Variants in AMMECR1 observed in about 807,000 individuals in gnomAD.
AMMECR1 encodes nuclear protein AMMECR1.
A neutral mutation model predicts 22.5 loss-of-function variants in AMMECR1; 3 were observed. The ratio of observed to expected loss-of-function variants is 0.13; its 90% CI spans 0.06 to 0.35. The LOEUF (loss-of-function observed/expected upper bound fraction) is 0.35, where lower values mean the gene tolerates loss of function less well. Ranked by LOEUF, AMMECR1 falls within the 10% of genes least tolerant of loss-of-function variation. The probability of loss-of-function intolerance (pLI) is 1.00; values close to 1 mark genes in which losing one functional copy is unlikely to be tolerated. For synonymous variants in AMMECR1, 130 were observed against 116.7 expected (o/e 1.11, Z -0.74); for missense variants, 235 against 278.7 (o/e 0.84, Z 1.12).
At chrX:110,401,605 G>A (rs1461426963) in intron 2 of AMMECR1, among the ~76,000 whole-genome samples, 7 of 111,428 alleles carry the variant, frequency 6.3e-5, no homozygotes, top group Non-Finnish European at 1.3e-4. Context: ...GTTGTCTGGG[G>A]GCCTCTATCA....
chrX:110,373,201 G>T (rs1265839688), intron 2 of AMMECR1, among the ~76,000 whole-genome samples: 1 of 111,688 alleles, frequency 9.0e-6, no homozygotes, highest in African/African-American at 3.3e-5. Context: ...CTGACTCCAG[G>T]ACCATGCCTG....
At chrX:110,202,625 T>A in intron 3 of AMMECR1, 89 bp from the exon 4 acceptor site, 1 of 593,737 alleles carries the variant, frequency 1.7e-6, no homozygotes, top group Non-Finnish European at 2.7e-6. Context: ...AGAATGCAGT[T>A]CTTCCTTTCC....
chrX:110,385,636 G>A (rs1033175093), intron 2 of AMMECR1, among the ~76,000 whole-genome samples: 1 of 111,643 alleles, frequency 9.0e-6, no homozygotes, highest in Non-Finnish European at 1.9e-5. Context: ...TCTGTGACTA[G>A]CTTCTCTCCC....
At chrX:110,332,370 T>G (rs1005864785) in intron 2 of AMMECR1, among the ~76,000 whole-genome samples, 3 of 111,656 alleles carry the variant, frequency 2.7e-5, no homozygotes, top group Non-Finnish European at 5.6e-5. Context: ...TTTTTCTTCT[T>G]AAATATGCCA....
Position 110,198,406 on chromosome X carries a change from G to A in AMMECR1, c.*114C>T, listed in dbSNP as rs1439142732. On this transcript the variant is annotated 3_prime_UTR_variant, in exon 6 of 6. Coordinates refer to ENST00000262844, the MANE Select transcript of AMMECR1 (RefSeq NM_015365.3). ...GATGTCGAAGCTTCACCATGGCAAC[G>A]GAAACTATCATCATAAAATGGTACA... 1 of 381,705 alleles carries A rather than the reference G, an allele frequency of 2.6e-6. No homozygotes were observed. The allele number at this position is 381,705 out of a possible 1,213,427, so 31.5% of individuals were successfully genotyped here. A position where few individuals can be genotyped will look rare whatever the true frequency, so the allele number is the denominator to read the frequency against.
At chrX:110,292,653 GA>G (rs1211475182) in intron 1 of AMMECR1, among the ~76,000 whole-genome samples, 1 of 112,368 alleles carries the variant, frequency 8.9e-6, no homozygotes, top group East Asian at 2.8e-4. Context: ...GTGACACTCT[GA>G]AAAAGGCAAA....
At chrX:110,237,273 A>G (rs1013420884) in intron 2 of AMMECR1, among the ~76,000 whole-genome samples, 2 of 110,908 alleles carry the variant, frequency 1.8e-5, no homozygotes, top group Non-Finnish European at 3.8e-5. Flanking sequence ...AAAATCAGAT[A>G]TTAGTACACA....
chrX:110,362,249 C>T (rs990547749), intron 2 of AMMECR1, among the ~76,000 whole-genome samples: 2 of 111,458 alleles, frequency 1.8e-5, no homozygotes, highest in African/African-American at 3.3e-5. Flanking sequence ...TCCCCTCATC[C>T]CTACACTAAA....
intron 2 of AMMECR1, among the ~76,000 whole-genome samples, chrX:110,227,550 T>C (rs952960907): frequency 8.9e-6 from 1 of 112,493 alleles, no homozygotes; most frequent in Non-Finnish European, 1.9e-5. Flanking sequence ...TTATTTTCCT[T>C]TCTCTTCTTC....
intron 2 of AMMECR1, among the ~76,000 whole-genome samples, chrX:110,260,579 CTT>C (rs2067735350): frequency 9.0e-6 from 1 of 110,534 alleles, no homozygotes; most frequent in South Asian, 3.8e-4. Flanking sequence ...TAAATAAAAA[CTT>C]AATTCAGGAT....
intron 1 of AMMECR1, among the ~76,000 whole-genome samples, chrX:110,313,103 T>C (rs960791513): frequency 1.8e-5 from 2 of 111,867 alleles, no homozygotes; most frequent in East Asian, 2.8e-4. Context: ...CACAGTTCTG[T>C]TGAAACAAAA....
Position 110,195,193 on chromosome X carries a change from G to GTGTGCTGGGCACTGGGACTGTA in AMMECR1, c.*3305_*3326dup, listed in dbSNP as rs1463257037. 1 of 111,877 alleles carries GTGTGCTGGGCACTGGGACTGTA rather than the reference G, an allele frequency of 8.9e-6. No individual in the cohort carries two copies. Among genetic ancestry groups the GTGTGCTGGGCACTGGGACTGTA allele is most frequent in the Non-Finnish European group, 1.9e-5 (1 of 53,153 alleles). The allele number at this position is 111,877 out of a possible 1,213,427, so 9.2% of individuals were successfully genotyped here. On this transcript the variant is annotated 3_prime_UTR_variant, in exon 6 of 6. Transcript: ENST00000262844. ...TAAGAGGCCAGTATACAAACTTCCG[G>GTGTGCTGGGCACTGGGACTGTA]TGTGCTGGGCACTGGGACTGTATGT... is the stretch of plus-strand genomic sequence containing the variant.
At position 110,317,832 on chromosome X, in the gene AMMECR1, G is replaced by T; in HGVS notation, c.240C>A (p.Gly80=). 9.2e-7 allele frequency: 1 copy of T among 1,082,764 alleles called. No individual in the cohort carries two copies. Among genetic ancestry groups the T allele is most frequent in the Non-Finnish European group, 1.2e-6 (1 of 824,566 alleles). 89.2% of individuals were successfully genotyped at this position (1,082,764 alleles called of 1,213,427 possible). A position where few individuals can be genotyped will look rare whatever the true frequency, so the allele number is the denominator to read the frequency against. ...GAGGTGGCGACAGGGCGATCCCCCCGCCGCCGCCGCCGCAGCCCTGGGGGG... is the reference window on the plus strand; with the variant it reads ...GAGGTGGCGACAGGGCGATCCCCCCTCCGCCGCCGCCGCAGCCCTGGGGGG... The part of the protein sequence containing the change: ...LSPPQGCGGG[G]GGIALSPPPS... Residue 80 remains glycine (G), a synonymous_variant, in exon 1 of 6, where the codon GGC becomes GGA. Transcript: ENST00000262844.
In AMMECR1 at chrX:110,384,805, C is replaced by T. The variant is rs889321926; in HGVS notation, c.-148+41853G>A. The stretch of plus-strand genomic sequence containing the variant: ...GACATAGTATCTTTCATATTAGGTG[C>T]GAGGTGCATACCCTTCCTGAAATGG... On this transcript the variant is annotated intron_variant, in intron 2 of 7. Coordinates refer to the AMMECR1 transcript ENST00000372057. 2.7e-5 allele frequency among the ~76,000 whole-genome samples: 3 copies of T among 110,736 alleles called. No homozygotes were observed. The East Asian group carries it at 8.5e-4, about 31-fold the overall frequency.
intron 2 of AMMECR1, among the ~76,000 whole-genome samples, chrX:110,388,091 T>C (rs1470897309): frequency 1.8e-5 from 2 of 110,744 alleles, no homozygotes; most frequent in African/African-American, 6.6e-5. Context: ...ATGGTCTCGA[T>C]CTCCTGACCT....
intron 2 of AMMECR1, among the ~76,000 whole-genome samples, chrX:110,252,809 G>A (rs191177452): frequency 1.2e-4 from 14 of 112,411 alleles, no homozygotes; most frequent in Admixed American, 3.8e-4. Context: ...ATTTACATTC[G>A]CATTAAGAAA....
chrX:110,362,538 G>T (rs1393525352), intron 2 of AMMECR1, among the ~76,000 whole-genome samples: 1 of 112,333 alleles, frequency 8.9e-6, no homozygotes, highest in Non-Finnish European at 1.9e-5. Flanking sequence ...ACTCCCAGAA[G>T]CTGGGCGACT....
chrX:110,225,893 G>A (rs2067530374), intron 2 of AMMECR1, among the ~76,000 whole-genome samples: 1 of 112,132 alleles, frequency 8.9e-6, no homozygotes, highest in South Asian at 3.7e-4. Flanking sequence ...CCCTCATTTA[G>A]AGTATATGAC....
At chrX:110,209,733 G>T (rs1423221079) in intron 3 of AMMECR1, among the ~76,000 whole-genome samples, 1 of 110,738 alleles carries the variant, frequency 9.0e-6, no homozygotes, top group Non-Finnish European at 1.9e-5. Context: ...GAGATCTTAG[G>T]TATCACTTAG....
Sources: allele counts gnomAD v4.1 joint callset (sites outside exome capture counted in the v4.1 genomes callset), GRCh38; gene constraint gnomAD v4.1.1; transcripts MANE v1.5; gene names NCBI Gene and HGNC (gene_info 2026-07-23, HGNC 2026-07-21).